The following KSR1 variants were observed in gnomAD, a reference collection of about 807,000 sequenced individuals.
The protein encoded by KSR1 is kinase suppressor of ras 1, also known as kinase suppressor of ras.
Under a neutral mutation model 92.9 loss-of-function variants are expected in KSR1, and 35 were observed. That is an observed-to-expected ratio of 0.38 (90% CI 0.29 to 0.50). KSR1 has a LOEUF of 0.50. Ranked by LOEUF, KSR1 falls within the 20% of genes least tolerant of loss-of-function variation. KSR1 has a pLI of 0.94. For missense variants in KSR1, 972 were observed against 1,158.5 expected (o/e 0.84, Z 2.34); for synonymous variants, 467 against 472.6 (o/e 0.99, Z 0.15).
chr17:27,604,637 G>A (rs527269423), intron 12 of KSR1, 43 bp from the exon 13 acceptor site: 63 of 1,584,992 alleles, frequency 4.0e-5, no homozygotes, highest in Admixed American at 3.5e-4. Flanking sequence ...AGAGCAGAGC[G>A]GTGTTCCTCA....
At chr17:27,550,197 G>T (rs760277875) in intron 1 of KSR1, among the ~76,000 whole-genome samples, 15 of 152,310 alleles carry the variant, frequency 9.8e-5, no homozygotes, top group South Asian at 4.1e-4. Flanking sequence ...GCGCCACCAT[G>T]CTTGGCTAAT....
intron 1 of KSR1, chr17:27,483,881 G>A (rs1027422887): frequency 9.2e-5 from 14 of 152,250 alleles, no homozygotes; most frequent in African/African-American, 3.4e-4. Flanking sequence ...AGTGTCCATT[G>A]TAATAATGCG....
chr17:27,608,231 T>A (rs1191806493), intron 15 of KSR1, among the ~76,000 whole-genome samples: 1 of 152,198 alleles, frequency 6.6e-6, no homozygotes, highest in Non-Finnish European at 1.5e-5. Flanking sequence ...CTTGATGGAA[T>A]TGACTTGGTT....
intron 1 of KSR1, among the ~76,000 whole-genome samples, 196 bp downstream of exon 1, chr17:27,457,070 G>A (rs1042084831): frequency 6.6e-6 from 1 of 152,164 alleles, no homozygotes; most frequent in Non-Finnish European, 1.5e-5. Flanking sequence ...TTTGTGGGGC[G>A]GGTGCGTCGT....
At chr17:27,505,152 G>A (rs911602164) in intron 1 of KSR1, among the ~76,000 whole-genome samples, 2 of 152,148 alleles carry the variant, frequency 1.3e-5, no homozygotes, top group African/African-American at 4.8e-5. Flanking sequence ...CTATGGCCAC[G>A]GGCTATGACA....
chr17:27,619,990 G>A (rs1049014947), intron 19 of KSR1, among the ~76,000 whole-genome samples: 1 of 152,200 alleles, frequency 6.6e-6, no homozygotes, highest in Non-Finnish European at 1.5e-5. Context: ...GAGCCACCGC[G>A]CCCGGCCTTC....
At chr17:27,482,319 G>T (rs1359062343) in intron 1 of KSR1, among the ~76,000 whole-genome samples, 2 of 152,164 alleles carry the variant, frequency 1.3e-5, no homozygotes, top group African/African-American at 4.8e-5. Flanking sequence ...TTCACTGTCT[G>T]CAGAACACCA....
chr17:27,538,780 C>T (rs1021297908), intron 1 of KSR1, among the ~76,000 whole-genome samples: 24 of 152,184 alleles, frequency 1.6e-4, no homozygotes, highest in African/African-American at 2.4e-5. Context: ...GGGCGCCCCT[C>T]ATCCTTCTGG....
chr17:27,502,439 CTT>C (rs970826639), intron 1 of KSR1, among the ~76,000 whole-genome samples: 3 of 151,848 alleles, frequency 2.0e-5, no homozygotes, highest in African/African-American at 7.2e-5. Context: ...TCTGTCAAAA[CTT>C]AATGTCTTAA....
At chr17:27,520,857 G>C (rs2069996035) in intron 1 of KSR1, among the ~76,000 whole-genome samples, 1 of 152,252 alleles carries the variant, frequency 6.6e-6, no homozygotes, top group Non-Finnish European at 1.5e-5. Flanking sequence ...AAAGCAGGTA[G>C]CTGGAGGATG....
At chr17:27,606,791 C>CA (rs34072070) in intron 14 of KSR1, among the ~76,000 whole-genome samples, 15,720 of 115,768 alleles carry the variant, frequency 0.14, 984 homozygotes, top group South Asian at 0.22. Flanking sequence ...GACTCCATCT[C>CA]AAAAAAAAAA....
rs2073919579 is a variant in KSR1, at chr17:27,611,627, A to G, written c.2491A>G (p.Ser831Gly). 6.2e-7 allele frequency: 1 copy of G among 1,613,800 alleles called. No homozygotes were observed. The highest frequency in any genetic ancestry group is 8.5e-7 in the Non-Finnish European group (1 of 1,179,760). ...TTCTGTCAGCTTGGGGAAGGAAGTCAGTGTAAGTAGTACCTGCCCTGGGTG... is the reference window on the plus strand; with the variant it reads ...TTCTGTCAGCTTGGGGAAGGAAGTCGGTGTAAGTAGTACCTGCCCTGGGTG... ...LTSVSLGKEV[S>G]EILSACWAFD... Residue 831 changes from serine (S) to glycine (G), a missense_variant and splice_region_variant, in exon 18 of 21, where the codon AGT becomes GGT. Coordinates refer to ENST00000644974, the MANE Select transcript of KSR1 (RefSeq NM_001394583.1).
At chr17:27,511,679 G>C (rs540477807) in intron 1 of KSR1, among the ~76,000 whole-genome samples, 2 of 152,298 alleles carry the variant, frequency 1.3e-5, no homozygotes, top group African/African-American at 2.4e-5. Flanking sequence ...TTTAGAGGCA[G>C]CTTGGTCAGC....
In KSR1 at chr17:27,561,513, G is replaced by A. The variant is rs531117980; in HGVS notation, c.372+10805G>A. ...ACACGTCTGCAAATAACTAGGGTGCGTAGCTGACTGCTGGCCCCAAGGAGC... is the reference window on the plus strand; with the variant it reads ...ACACGTCTGCAAATAACTAGGGTGCATAGCTGACTGCTGGCCCCAAGGAGC... On this transcript the variant is annotated intron_variant, in intron 2 of 20. Transcript: ENST00000644974. Among the ~76,000 whole-genome samples the A allele has an allele frequency of 6.6e-5, 10 of 152,222 alleles. No individual in the cohort carries two copies. In the South Asian group the frequency reaches 1.5e-3, roughly 22 times the overall value.
chr17:27,494,198 AT>A (rs900525326), intron 1 of KSR1, among the ~76,000 whole-genome samples: 12 of 152,124 alleles, frequency 7.9e-5, no homozygotes, highest in African/African-American at 2.9e-4. Context: ...AGTGGAGATG[AT>A]TTTTTTTATG....
At chr17:27,608,263 T>C (rs1160149368) in intron 15 of KSR1, among the ~76,000 whole-genome samples, 1 of 152,238 alleles carries the variant, frequency 6.6e-6, no homozygotes, top group Non-Finnish European at 1.5e-5. Flanking sequence ...TGGCAGGCTT[T>C]AGAGGCCAGT....
intron 2 of KSR1, among the ~76,000 whole-genome samples, chr17:27,561,519 G>A (rs543218443): frequency 6.6e-6 from 1 of 152,274 alleles, no homozygotes; most frequent in South Asian, 2.1e-4. Flanking sequence ...GTGCGTAGCT[G>A]ACTGCTGGCC....
chr17:27,503,545 C>T (rs1253812256), intron 1 of KSR1, among the ~76,000 whole-genome samples: 1 of 152,108 alleles, frequency 6.6e-6, no homozygotes, highest in African/African-American at 2.4e-5. Flanking sequence ...AGCCTTTTGT[C>T]CAGTTTGGTA....
chr17:27,564,198 C>T (rs1036946877), intron 2 of KSR1, among the ~76,000 whole-genome samples: 21 of 152,014 alleles, frequency 1.4e-4, no homozygotes, highest in African/African-American at 5.1e-4. Context: ...ACCATGTTGG[C>T]CAGGCTGGTC....
Sources: allele counts gnomAD v4.1 joint callset (sites outside exome capture counted in the v4.1 genomes callset), GRCh38; gene constraint gnomAD v4.1.1; transcripts MANE v1.5; gene names NCBI Gene and HGNC (gene_info 2026-07-23, HGNC 2026-07-21).